Variants in CACNA1A observed in about 807,000 individuals in gnomAD.
CACNA1A encodes calcium voltage-gated channel subunit alpha1 A.
Under a neutral mutation model 262.4 loss-of-function variants are expected in CACNA1A, and 57 were observed. The observed-to-expected ratio is 0.22, with a 90% CI of 0.18 to 0.27. The LOEUF is 0.27. Ranked by LOEUF, CACNA1A falls within the 10% of genes least tolerant of loss-of-function variation. The pLI, the probability that CACNA1A is intolerant of heterozygous loss-of-function variation, is 1.00. For synonymous variants in CACNA1A, 1,431 were observed against 1,419.3 expected (o/e 1.01, Z -0.18); for missense variants, 2,526 against 3,562.8 (o/e 0.71, Z 7.41).
At chr19:13,281,044 G>A (rs537968987) in intron 22 of CACNA1A, among the ~76,000 whole-genome samples, 44 of 151,682 alleles carry the variant, frequency 2.9e-4, no homozygotes, top group African/African-American at 1.0e-3. Flanking sequence ...TGTTACAGAA[G>A]AGCAAACATA....
At chr19:13,467,583 G>T (rs1181760825) in intron 1 of CACNA1A, among the ~76,000 whole-genome samples, 1 of 151,568 alleles carries the variant, frequency 6.6e-6, no homozygotes, top group Non-Finnish European at 1.5e-5. Flanking sequence ...ATGTCAGAGG[G>T]GATGCACACT....
intron 19 of CACNA1A, among the ~76,000 whole-genome samples, chr19:13,292,890 A>G (rs1436323080): frequency 6.6e-6 from 1 of 152,098 alleles, no homozygotes; most frequent in Non-Finnish European, 1.5e-5. Flanking sequence ...ATTTCCAAAG[A>G]GCCTTAGAAC....
intron 10 of CACNA1A, among the ~76,000 whole-genome samples, chr19:13,319,022 A>C (rs2058192052): frequency 6.7e-6 from 1 of 150,294 alleles, no homozygotes; most frequent in African/African-American, 2.5e-5. Flanking sequence ...CCAAGTAGCT[A>C]TGACTACAGG....
intron 3 of CACNA1A, among the ~76,000 whole-genome samples, chr19:13,383,424 A>G (rs2059555007): frequency 6.6e-6 from 1 of 152,160 alleles, no homozygotes; most frequent in African/African-American, 2.4e-5. Flanking sequence ...AGACATGTTG[A>G]GTTTGAGATG....
chr19:13,437,735 G>A (rs537987687), intron 3 of CACNA1A, among the ~76,000 whole-genome samples: 34 of 151,248 alleles, frequency 2.2e-4, no homozygotes, highest in Non-Finnish European at 4.9e-4. Flanking sequence ...GAGTTGGGGC[G>A]GGAGGGAGAA....
At chr19:13,440,100 C>G (rs893255839) in intron 3 of CACNA1A, among the ~76,000 whole-genome samples, 3 of 152,166 alleles carry the variant, frequency 2.0e-5, no homozygotes, top group African/African-American at 7.2e-5. Flanking sequence ...GCGGGGACTA[C>G]AAGCCTGTGC....
intron 3 of CACNA1A, among the ~76,000 whole-genome samples, chr19:13,390,083 G>A (rs1394891732): frequency 6.6e-6 from 1 of 152,034 alleles, no homozygotes; most frequent in African/African-American, 2.4e-5. Context: ...AAAGTGCTGG[G>A]ATTACAGGCG....
chr19:13,336,023 G>T, intron 6 of CACNA1A, 114 bp from the exon 7 acceptor site: 1 of 626,190 alleles, frequency 1.6e-6, no homozygotes, highest in Non-Finnish European at 2.8e-6. Flanking sequence ...AAATGTTCTT[G>T]GCTTGTGGAG....
chr19:13,469,102 C>T (rs1599325235), intron 1 of CACNA1A, among the ~76,000 whole-genome samples: 1 of 152,110 alleles, frequency 6.6e-6, no homozygotes, highest in East Asian at 1.9e-4. Context: ...GTCAGCAAAG[C>T]CAAGGAAGTC....
chr19:13,356,938 AG>A (rs1432868399), intron 6 of CACNA1A, among the ~76,000 whole-genome samples: 1 of 152,246 alleles, frequency 6.6e-6, no homozygotes, highest in African/African-American at 2.4e-5. Flanking sequence ...TGCTACACTC[AG>A]ACGAGGTTTT....
Position 13,212,718 on chromosome 19 carries a change from T to C in CACNA1A, c.5963A>G (p.Gln1988Arg). The C allele has an allele frequency of 6.7e-7, 1 of 1,503,002 alleles. No individual in the cohort carries two copies. The highest frequency in any genetic ancestry group is 2.3e-5 in the Admixed American group (1 of 43,038). 93.1% of individuals were successfully genotyped at this position (1,503,002 alleles called of 1,614,324 possible). A position where few individuals can be genotyped will look rare whatever the true frequency, so the allele number is the denominator to read the frequency against. The change falls in exon 41 of 47, where the codon CAG becomes CGG. Residue 1988 changes from glutamine to arginine, a missense_variant. By Grantham distance (43) the Gln-to-Arg change is conservative. Transcript: ENST00000360228. This position sits in a 1 kb window ranked among gnomAD's most constrained non-coding sequence, Gnocchi z 5.6. Reference sequence around the variant, plus strand: ...CGTTGGGGACGGGGGCTCCATGCGCTGGAACATGAGGGGTGTCCGGTCCTG... The same window carrying C: ...CGTTGGGGACGGGGGCTCCATGCGCCGGAACATGAGGGGTGTCCGGTCCTG... Reference protein sequence around the residue: ...EEQDRTPLMFQRMEPPSPTQE... With the variant: ...EEQDRTPLMFRRMEPPSPTQE...
intron 19 of CACNA1A, among the ~76,000 whole-genome samples, chr19:13,293,752 G>GCT (rs2057598099): frequency 6.6e-6 from 1 of 151,462 alleles, no homozygotes; most frequent in Admixed American, 6.6e-5. Context: ...CACCGCGCCC[G>GCT]GCTCAGTTAA....
chr19:13,237,029 AAG>A (rs1235711733), intron 31 of CACNA1A, among the ~76,000 whole-genome samples: 2 of 152,126 alleles, frequency 1.3e-5, no homozygotes, highest in East Asian at 1.9e-4. Flanking sequence ...TTTAAAAATC[AAG>A]AGATTTTGCC....
Position 13,207,574 on chromosome 19 carries a change from G to A in CACNA1A, c.7260C>T (p.Gly2420=). ...CCTCCTCGCCGCCCCCGCTGCCCGGGCCATCGGCCTCGTCGTAGTCGGAGC... is the reference window on the plus strand; with the variant it reads ...CCTCCTCGCCGCCCCCGCTGCCCGGACCATCGGCCTCGTCGTAGTCGGAGC... ...YRGSDYDEAD[G]PGSGGGEEAM... is the part of the protein sequence containing the mutation. The change falls in exon 47 of 47, where the codon GGC becomes GGT. Residue 2420 remains glycine, a synonymous_variant. Transcript: ENST00000360228. This position sits in a 1 kb window ranked among gnomAD's most constrained non-coding sequence, Gnocchi z 5.7. The A allele has an allele frequency of 6.8e-7, 1 of 1,475,670 alleles. No homozygotes were observed. Among genetic ancestry groups the A allele is most frequent in the Non-Finnish European group, 9.0e-7 (1 of 1,113,450 alleles). The allele number at this position is 1,475,670 out of a possible 1,614,324, so 91.4% of individuals were successfully genotyped here.
At chr19:13,220,073 C>T (rs1286378430) in intron 38 of CACNA1A, among the ~76,000 whole-genome samples, 1 of 151,786 alleles carries the variant, frequency 6.6e-6, no homozygotes, top group Non-Finnish European at 1.5e-5. Context: ...GCCTGGCCAA[C>T]CTTGTGAAAC....
intron 31 of CACNA1A, 98 bp downstream of exon 31, chr19:13,245,084 C>G: frequency 1.0e-6 from 1 of 999,562 alleles, no homozygotes; most frequent in Admixed American, 1.8e-5. Flanking sequence ...GCAGCTATGG[C>G]TTCCGGGACA....
intron 11 of CACNA1A, chr19:13,315,561 A>G (rs1486605280): frequency 2.0e-5 from 3 of 152,188 alleles, no homozygotes; most frequent in African/African-American, 7.2e-5. Flanking sequence ...AGAGTATTAG[A>G]GGAAGTTAAA....
chr19:13,374,685 T>A (rs1351727746), intron 3 of CACNA1A, among the ~76,000 whole-genome samples: 1 of 152,232 alleles, frequency 6.6e-6, no homozygotes, highest in African/African-American at 2.4e-5. Context: ...TGCTGGCACA[T>A]AAAAGCTGTC....
chr19:13,505,848 G>A (rs1057392435), intron 1 of CACNA1A, 84 bp downstream of exon 1: 3 of 1,412,572 alleles, frequency 2.1e-6, no homozygotes, highest in East Asian at 2.5e-5. Flanking sequence ...ATCAACCCCC[G>A]GGTCTCTCTC....
Sources: gnomAD v4.1 joint callset for allele counts (sites outside exome capture counted in the v4.1 genomes callset) on GRCh38, gnomAD v4.1.1 for gene constraint, Gnocchi (gnomAD v3.1) non-coding constraint, MANE v1.5 for transcripts, NCBI Gene and HGNC (gene_info 2026-07-23, HGNC 2026-07-21) for gene names.